The following KDM3A variants were observed in gnomAD, a reference collection of about 807,000 sequenced individuals.
KDM3A encodes lysine demethylase 3A, also known as lysine-specific demethylase 3A.
Under a neutral mutation model 158.0 loss-of-function variants are expected in KDM3A, and 60 were observed. That is an observed-to-expected ratio of 0.38 (90% CI 0.31 to 0.47). The LOEUF (loss-of-function observed/expected upper bound fraction) is 0.47. Ranked by LOEUF, KDM3A falls within the 20% of genes least tolerant of loss-of-function variation. The pLI is 0.99. For missense variants in KDM3A, 1,319 were observed against 1,574.3 expected, an observed-to-expected ratio of 0.84 and a Z score of 2.74; for synonymous variants, 608 against 549.3, an observed-to-expected ratio of 1.11 and a Z score of -1.49.
intron 21 of KDM3A, 107 bp downstream of exon 21, chr2:86,485,966 G>C (rs1002234477): frequency 6.3e-6 from 7 of 1,104,204 alleles, no homozygotes; most frequent in Non-Finnish European, 7.8e-6. Context: ...ATCCTAATGC[G>C]TAATACAGCC....
rs771998711 is a variant in KDM3A at position 86,442,076 on chromosome 2, C to G, written c.29C>G (p.Pro10Arg). The change falls in exon 2 of 26, where the codon CCG becomes CGG. Residue 10 changes from proline (P) to arginine (R), a missense_variant. Physicochemically the swap from Pro to Arg is moderately radical, Grantham distance 103 (BLOSUM62 -2). Around this residue, in one of 4 missense-constraint regions of KDM3A, gnomAD observed 652 missense variants for 627.2 expected, o/e 1.04. Transcript: ENST00000312912. ...GTGCTCACGCTCGGAGAAAGTTGGC[C>G]GGTATTGGTGGGGAGGAGGTTTCTC... MVLTLGESW[P>R]VLVGRRFLSL... The G allele has an allele frequency of 4.3e-6, 7 of 1,614,022 alleles. No homozygotes were observed. Among genetic ancestry groups the G allele is most frequent in the Admixed American group, 1.7e-5 (1 of 60,022 alleles).
intron 3 of KDM3A, among the ~76,000 whole-genome samples, chr2:86,450,831 C>T (rs1472877839): frequency 6.6e-6 from 1 of 152,110 alleles, no homozygotes; most frequent in Non-Finnish European, 1.5e-5. Flanking sequence ...TGCATACAAA[C>T]AGTTTTTGCA....
In KDM3A at chr2:86,442,120, GGCAGCGATGGCAGCCACGACA is replaced by G; in HGVS notation, c.76_96del (p.Ser26_Ser32del). The G allele has an allele frequency of 2.5e-6, 4 of 1,614,038 alleles. No individual in the cohort carries two copies. Among genetic ancestry groups the G allele is most frequent in the Non-Finnish European group, 3.4e-6 (4 of 1,179,970 alleles). On this transcript the variant is annotated inframe_deletion, in exon 2 of 26. Coordinates refer to ENST00000312912, the MANE Select transcript of KDM3A (RefSeq NM_018433.6). ...GTTTCTCAGTCTGTCCGCAGCCGAC[GGCAGCGATGGCAGCCACGACA>G]GCTGGGACGTGGAGCGCGTCGCCGA... is the stretch of plus-strand genomic sequence containing the variant.
chr2:86,475,061 C>G (rs974429820), intron 12 of KDM3A, 71 bp downstream of exon 12: 2 of 1,218,804 alleles, frequency 1.6e-6, no homozygotes, highest in Non-Finnish European at 2.4e-6. Context: ...ACACCTAAGT[C>G]CTAATTGCTT....
At chr2:86,440,752 G>T (rs922003515), upstream of KDM3A, 1 of 152,230 alleles carries the variant, frequency 6.6e-6, no homozygotes, top group Non-Finnish European at 1.5e-5. Flanking sequence ...CAGCCATTTC[G>T]CCCAGCAGCC....
At chr2:86,483,015 G>A (rs1281354904) in intron 18 of KDM3A, 6 of 310,856 alleles carry the variant, frequency 1.9e-5, no homozygotes, top group Non-Finnish European at 3.6e-5. Flanking sequence ...ACAGGCTGAT[G>A]GGATTTGGGA....
intron 6 of KDM3A, 41 bp downstream of exon 6, chr2:86,456,607 G>A (rs1296405548): frequency 1.3e-6 from 2 of 1,567,730 alleles, no homozygotes; most frequent in Non-Finnish European, 8.7e-7. Context: ...ACTCGACAAA[G>A]CATGATAACT....
chr2:86,483,904 T>C, intron 18 of KDM3A, 83 bp from the exon 19 acceptor site: 1 of 1,077,198 alleles, frequency 9.3e-7, no homozygotes, highest in Non-Finnish European at 1.4e-6. Flanking sequence ...AATATACCAA[T>C]AGCAGTGTGA....
At chr2:86,442,495 C>T in intron 2 of KDM3A, 1 of 375,760 alleles carries the variant, frequency 2.7e-6, no homozygotes, top group Non-Finnish European at 4.9e-6. Context: ...GTGCTGTGTC[C>T]CACCAGGACT....
In KDM3A at chr2:86,456,896, A is replaced by G; in HGVS notation, c.754+19A>G. 1 of 1,594,564 alleles carries G rather than the reference A, an allele frequency of 6.3e-7. No homozygotes were observed. The highest frequency in any genetic ancestry group is 8.6e-7 in the Non-Finnish European group (1 of 1,163,422). On this transcript the variant is annotated intron_variant, in intron 7 of 25. Transcript: ENST00000312912. ...ACATGTGGTAAGATATGTTATTAAA[A>G]TCTTTCTTCTCCTTCCTCCTTTCCT...
At chr2:86,452,314 T>A (rs1672504587) in intron 4 of KDM3A, among the ~76,000 whole-genome samples, 1 of 152,078 alleles carries the variant, frequency 6.6e-6, no homozygotes, top group South Asian at 2.1e-4. Flanking sequence ...TCGTCTGAGT[T>A]ATAGTGCTCT....
Position 86,481,972 on chromosome 2 carries a change from G to T in KDM3A, c.2555G>T (p.Cys852Phe), listed in dbSNP as rs1183835079. 3.1e-6 allele frequency: 5 copies of T among 1,613,380 alleles called. No homozygotes were observed. In the South Asian group the frequency reaches 5.5e-5, roughly 18 times the overall value. ...CCAATTTTAAAGAATGAAATCAAAT[G>T]CCTTCCACCCCTCCCACCTTTAAGC... ...TMPILKNEIK[C>F]LPPLPPLSKS... Residue 852 changes from cysteine to phenylalanine, a missense_variant, in exon 17 of 26, where the codon TGC becomes TTC. Coordinates refer to ENST00000312912, the MANE Select transcript of KDM3A (RefSeq NM_018433.6).
At position 86,489,783 on chromosome 2, in the gene KDM3A, T is replaced by C. The variant is rs546960885; in HGVS notation, c.3573+124T>C. The C allele has an allele frequency of 1.8e-5, 18 of 1,015,816 alleles. No individual in the cohort carries two copies. The African/African-American group carries it at 1.9e-4, about 11-fold the overall frequency. The allele number at this position is 1,015,816 out of a possible 1,614,324, so 62.9% of individuals were successfully genotyped here. A position where few individuals can be genotyped will look rare whatever the true frequency, so the allele number is the denominator to read the frequency against. The stretch of plus-strand genomic sequence containing the variant: ...CAACCTGAAAAGTTAAATCTGTACC[T>C]GTCAGATTGAATAGGCTGAAGGTGG... On this transcript the variant is annotated intron_variant, in intron 23 of 25. Coordinates refer to ENST00000312912, the MANE Select transcript of KDM3A (RefSeq NM_018433.6).
chr2:86,453,566 A>G (rs1288198186), intron 4 of KDM3A, among the ~76,000 whole-genome samples: 2 of 152,114 alleles, frequency 1.3e-5, no homozygotes, highest in Non-Finnish European at 1.5e-5. Flanking sequence ...GCAGCCTAAT[A>G]TTTTTCTACT....
Position 86,455,125 on chromosome 2 carries a change from T to C in KDM3A, c.494T>C (p.Ile165Thr), listed in dbSNP as rs759981549. 1 of 1,604,516 alleles carries C rather than the reference T, an allele frequency of 6.2e-7. No individual in the cohort carries two copies. The highest frequency in any genetic ancestry group is 1.1e-5 in the South Asian group (1 of 89,704). ...CGACTTTCTCTTACGGATAATCAGA[T>C]TGTCAGTAAAGAATTTCAAGCTTTG... ...SLRLSLTDNQ[I>T]VSKEFQALIV... Residue 165 changes from isoleucine (I) to threonine (T), a missense_variant, in exon 5 of 26, where the codon ATT becomes ACT. By Grantham distance (89) the Ile-to-Thr change is moderately conservative. Transcript: ENST00000312912.
At position 86,471,293 on chromosome 2, in the gene KDM3A, ATATG is replaced by A. The variant is rs529341761; in HGVS notation, c.1724+887_1724+890del. 7.0e-4 allele frequency among the ~76,000 whole-genome samples: 106 copies of A among 151,628 alleles called. 1 individual carries two copies. Among genetic ancestry groups the A allele is most frequent in the Admixed American group, 6.3e-3 (96 of 15,192 alleles). On this transcript the variant is annotated intron_variant, in intron 11 of 25. Transcript: ENST00000312912. ...TGTATATATGTGTGTATATATGTATATATGTGTGTATGTGTATATATGTGTATAT... is the reference window on the plus strand; with the variant it reads ...TGTATATATGTGTGTATATATGTATATGTGTATGTGTATATATGTGTATAT...
intron 23 of KDM3A, chr2:86,490,333 A>G (rs1674395118): frequency 6.5e-6 from 1 of 152,778 alleles, no homozygotes; most frequent in African/African-American, 2.4e-5. Context: ...AGCTGGCCCC[A>G]AGTATGTCTT....
chr2:86,455,970 A>G (rs1201811596), intron 5 of KDM3A, among the ~76,000 whole-genome samples: 9 of 151,370 alleles, frequency 5.9e-5, no homozygotes, highest in Non-Finnish European at 4.4e-5. Flanking sequence ...AAAAAAAAAA[A>G]AAAGAAAAGA....
chr2:86,485,587 CATCTT>C (rs1314066320), intron 20 of KDM3A, 137 bp from the exon 21 acceptor site: 1 of 929,418 alleles, frequency 1.1e-6, no homozygotes, highest in African/African-American at 1.7e-5. Flanking sequence ...CTGTACTTCT[CATCTT>C]AAATATTTGA....
Sources: allele counts gnomAD v4.1 joint callset (sites outside exome capture counted in the v4.1 genomes callset), GRCh38; gene constraint gnomAD v4.1.1; regional missense constraint gnomAD v4.1.1; transcripts MANE v1.5; gene names NCBI Gene and HGNC (gene_info 2026-07-23, HGNC 2026-07-21).